Variants in NFKBIB observed in about 807,000 individuals in gnomAD.
NFKBIB encodes NFKB inhibitor beta, also known as NF-kappa-B inhibitor beta.
NFKBIB carries 16 observed loss-of-function variants against 32.1 expected under a neutral mutation model. That is an observed-to-expected ratio of 0.50 (90% confidence interval 0.34 to 0.76). The LOEUF (loss-of-function observed/expected upper bound fraction) is 0.76. Ranked by LOEUF, NFKBIB falls within the 30% of genes least tolerant of loss-of-function variation. NFKBIB has a pLI of 0.01. For missense variants in NFKBIB, 437 were observed against 514.9 expected (o/e 0.85, Z 1.46); for synonymous variants, 222 against 219.5 (o/e 1.01, Z -0.10).
chr19:38,908,553 A>AAG, intron 5 of NFKBIB, 178 bp from the exon 6 acceptor site: 1 of 1,317,558 alleles, frequency 7.6e-7, no homozygotes, highest in Non-Finnish European at 9.6e-7. Flanking sequence ...AAAAAAAAAA[A>AAG]AAAAAGAAAG....
rs572668229 is a variant in NFKBIB, at chr19:38,908,472, G to C, written c.970-259G>C. ...GAGAATTGCTTGAACCTGGGAGGTG[G>C]AGGTTGCAGTGAACCTAGATCACGC... is the stretch of plus-strand genomic sequence containing the variant. On this transcript the variant is annotated intron_variant, in intron 5 of 5. Transcript: ENST00000313582. The C allele has an allele frequency of 2.5e-5, 26 of 1,051,274 alleles. No individual in the cohort carries two copies. In the South Asian group the frequency reaches 8.1e-4, roughly 33 times the overall value. 65.1% of individuals were successfully genotyped at this position (1,051,274 alleles called of 1,614,324 possible).
Position 38,902,871 on chromosome 19 carries a change from C to T in NFKBIB, c.180-2144C>T, listed in dbSNP as rs528383193. Among the ~76,000 whole-genome samples the T allele has an allele frequency of 2.4e-4, 36 of 152,112 alleles. No homozygotes were observed. The Middle Eastern group carries it at 0.01, about 43-fold the overall frequency. ...CGGACAGATCACAAGGTCAGGAGAT[C>T]GAGACCATCCTGGCTAACATGGTGA... On this transcript the variant is annotated intron_variant, in intron 1 of 5. Coordinates refer to ENST00000313582, the MANE Select transcript of NFKBIB (RefSeq NM_002503.5).
At chr19:38,908,122 T>C in intron 5 of NFKBIB, 5 of 1,007,476 alleles carry the variant, frequency 5.0e-6, no homozygotes, top group Non-Finnish European at 5.9e-6. Flanking sequence ...CAAGGCGCGG[T>C]GCTGGATGAT....
At chr19:38,906,061 G>C (rs1010764366) in intron 3 of NFKBIB, among the ~76,000 whole-genome samples, 2 of 150,738 alleles carry the variant, frequency 1.3e-5, no homozygotes, top group Admixed American at 1.3e-4. Context: ...ATGGACTGAC[G>C]TCATTCAGGA....
chr19:38,905,376 C>G lies in NFKBIB; in HGVS notation c.460C>G (p.Pro154Ala), dbSNP rs770625244. 7.4e-6 allele frequency: 12 copies of G among 1,613,096 alleles called. No homozygotes were observed. The highest frequency in any genetic ancestry group is 1.0e-5 in the Non-Finnish European group (12 of 1,179,792). ...CCTGCTTCAGCCCCGCCCCCGGCGC[C>G]CCAGGGAAGCCCCCGACACCTACCT... ...RALLQPRPRR[P>A]REAPDTYLAQ... is the part of the protein sequence containing the mutation. The change falls in exon 3 of 6, where the codon CCC becomes GCC. Residue 154 changes from proline to alanine, a missense_variant. By Grantham distance (27) the Pro-to-Ala change is conservative. Transcript: ENST00000313582. The surrounding 1 kb of genome is among the most constrained non-coding windows in gnomAD (Gnocchi z 5.5).
intron 1 of NFKBIB, among the ~76,000 whole-genome samples, chr19:38,903,622 C>T (rs1453034171): frequency 6.6e-6 from 1 of 152,016 alleles, no homozygotes; most frequent in Non-Finnish European, 1.5e-5. Context: ...TTTGCAAATT[C>T]TAACATCTCT....
At chr19:38,908,428 A>T in intron 5 of NFKBIB, 1 of 844,070 alleles carries the variant, frequency 1.2e-6, no homozygotes, top group Non-Finnish European at 1.5e-6. Context: ...AATCCCAGCT[A>T]CTTGGGAGGC....
intron 5 of NFKBIB, chr19:38,908,132 T>C (rs1974204986): frequency 2.0e-6 from 2 of 1,004,340 alleles, no homozygotes; most frequent in South Asian, 4.4e-5. Flanking sequence ...TGCTGGATGA[T>C]GGGTGCGGAG....
intron 5 of NFKBIB, chr19:38,908,455 C>G: frequency 1.0e-6 from 1 of 974,160 alleles, no homozygotes; most frequent in Non-Finnish European, 1.3e-6. Flanking sequence ...AGGAGAATTG[C>G]TTGAACCTGG....
chr19:38,907,936 G>A, intron 5 of NFKBIB: 3 of 1,291,368 alleles, frequency 2.3e-6, no homozygotes, highest in Non-Finnish European at 2.0e-6. Context: ...GAACACAGCG[G>A]GGGTGGGTGG....
chr19:38,907,829 G>A, intron 5 of NFKBIB, 170 bp downstream of exon 5: 1 of 1,424,070 alleles, frequency 7.0e-7, no homozygotes, highest in South Asian at 1.6e-5. Flanking sequence ...CAGGGGTGGT[G>A]GGAAGAGCTT....
Position 38,907,250 on chromosome 19 carries a change from C to T in NFKBIB, c.649C>T (p.His217Tyr). The change falls in exon 4 of 6, where the codon CAC becomes TAC. Residue 217 changes from histidine to tyrosine, a missense_variant. Transcript: ENST00000313582. ...CACCCCACTCCACGTGGCCGTTATC[C>T]ACAAAGATGTGGAGATGGTCCGGCT... Reference protein sequence around the residue: ...GHTPLHVAVIHKDVEMVRLLR... With the variant: ...GHTPLHVAVIYKDVEMVRLLR... 2 of 1,613,384 alleles carry T rather than the reference C, an allele frequency of 1.2e-6. No homozygotes were observed. The highest frequency in any genetic ancestry group is 1.7e-6 in the Non-Finnish European group (2 of 1,179,538).
In NFKBIB at chr19:38,905,716, A is replaced by G. The variant is rs553616418; in HGVS notation, c.619+181A>G. Among the ~76,000 whole-genome samples the G allele has an allele frequency of 3.3e-5, 5 of 152,246 alleles. No homozygotes were observed. The South Asian group carries it at 1.0e-3, about 32-fold the overall frequency. On this transcript the variant is annotated intron_variant, in intron 3 of 5. Coordinates refer to ENST00000313582, the MANE Select transcript of NFKBIB (RefSeq NM_002503.5). The surrounding 1 kb of genome is among the most constrained non-coding windows in gnomAD (Gnocchi z 5.5). ...CCAGATGATTGAGAATTGGATATGT[A>G]GGACCCAGGACCCCCACCTGGAGGC...
In NFKBIB at chr19:38,900,128, A is replaced by G; in HGVS notation, c.96A>G (p.Gly32=). 6.3e-7 allele frequency: 1 copy of G among 1,588,166 alleles called. No individual in the cohort carries two copies. The highest frequency in any genetic ancestry group is 8.5e-7 in the Non-Finnish European group (1 of 1,171,212). Reference sequence around the variant, plus strand: ...TGGGTCCGGACGCAGCGGCCCCCGGAGGACCTGGGTTGGGCGCGGAGTTGG... The same window carrying G: ...TGGGTCCGGACGCAGCGGCCCCCGGGGGACCTGGGTTGGGCGCGGAGTTGG... ...GSLGPDAAAP[G]GPGLGAELGP... The change falls in exon 1 of 6, where the codon GGA becomes GGG. Residue 32 remains glycine, a synonymous_variant. Coordinates refer to ENST00000313582, the MANE Select transcript of NFKBIB (RefSeq NM_002503.5).
rs755369123 is a variant in NFKBIB, at chr19:38,904,996, C to T, written c.180-19C>T. 17 of 1,611,868 alleles carry T rather than the reference C, an allele frequency of 1.1e-5. No homozygotes were observed. The highest frequency in any genetic ancestry group is 1.3e-5 in the Non-Finnish European group (15 of 1,178,370). On this transcript the variant is annotated intron_variant, in intron 1 of 5. Coordinates refer to ENST00000313582, the MANE Select transcript of NFKBIB (RefSeq NM_002503.5). ...AGAGGACTTGAACTTTGCCCTCTCA[C>T]CCCGGTCTTTGTCCCCAGGGCACTG...
Position 38,907,672 on chromosome 19 carries a change from G to A in NFKBIB, c.969+13G>A. 1.3e-6 allele frequency: 2 copies of A among 1,590,352 alleles called. No homozygotes were observed. The highest frequency in any genetic ancestry group is 1.7e-6 in the Non-Finnish European group (2 of 1,167,806). ...CGGAGACGAGGGCGTGAGTCAGGAG[G>A]AGAGACAGGGCAGCCCAGCTGGGGG... On this transcript the variant is annotated intron_variant, in intron 5 of 5. Transcript: ENST00000313582.
In NFKBIB at chr19:38,905,096, G is replaced by GCC; in HGVS notation, c.261_262insCC (p.Asp88ProfsTer7). 1 of 1,614,198 alleles carries GCC rather than the reference G, an allele frequency of 6.2e-7. No individual in the cohort carries two copies. The highest frequency in any genetic ancestry group is 1.1e-5 in the South Asian group (1 of 91,078). ...GCTTCTCGGCCGGCACTGAGTACAT[G>GCC]GACCTGCAGAATGACCTAGGCCAGG... is the stretch of plus-strand genomic sequence containing the variant. On this transcript the variant is annotated frameshift_variant, in exon 2 of 6. Transcript: ENST00000313582. LOFTEE classifies it high-confidence loss of function. The surrounding 1 kb of genome is among the most constrained non-coding windows in gnomAD (Gnocchi z 5.5).
Position 38,906,818 on chromosome 19 carries a change from T to C in NFKBIB, c.620-403T>C, listed in dbSNP as rs563293633. Among the ~76,000 whole-genome samples the C allele has an allele frequency of 6.6e-5, 10 of 152,098 alleles. No individual in the cohort carries two copies. The South Asian group carries it at 1.9e-3, about 28-fold the overall frequency. On this transcript the variant is annotated intron_variant, in intron 3 of 5. Transcript: ENST00000313582. The stretch of plus-strand genomic sequence containing the variant: ...CGTCTTGCCATGTTGCCCAGGCAGC[T>C]TCTTGAACTCCTGAGCTCAAGTGAT...
chr19:38,906,096 G>A (rs1241069507), intron 3 of NFKBIB, among the ~76,000 whole-genome samples: 4 of 147,768 alleles, frequency 2.7e-5, no homozygotes, highest in Admixed American at 6.8e-5. Flanking sequence ...CCTGCCTCTC[G>A]CCCCCAGGTC....
Sources: gnomAD v4.1 joint callset for allele counts (sites outside exome capture counted in the v4.1 genomes callset) on GRCh38, gnomAD v4.1.1 for gene constraint, Gnocchi (gnomAD v3.1) non-coding constraint, MANE v1.5 for transcripts, NCBI Gene and HGNC (gene_info 2026-07-23, HGNC 2026-07-21) for gene names.